Variants in INO80 observed in about 807,000 individuals in gnomAD.
The protein encoded by INO80 is chromatin-remodeling ATPase INO80.
Under a neutral mutation model 203.4 loss-of-function variants are expected in INO80, and 20 were observed. The ratio of observed to expected loss-of-function variants is 0.10; its 90% CI spans 0.07 to 0.14. The LOEUF is 0.14. Ranked by LOEUF, INO80 falls within the 10% of genes least tolerant of loss-of-function variation. The pLI is 1.00. For missense variants in INO80, 1,419 were observed against 1,914.4 expected (o/e 0.74, Z 4.83); for synonymous variants, 726 against 685.2 (o/e 1.06, Z -0.93).
rs1461127240 is a variant in INO80 at position 41,116,229 on chromosome 15, G to A, written c.-300C>T. ...CGGCGGCCACTTTCACTCACTGAGA[G>A]GAGCGGAGCAGGGACACGGGGAGCC... On this transcript the variant is annotated 5_prime_UTR_variant, in exon 1 of 36. Transcript: ENST00000648947. 7.4e-6 allele frequency: 3 copies of A among 403,696 alleles called. No homozygotes were observed. Among genetic ancestry groups the A allele is most frequent in the Non-Finnish European group, 8.7e-6 (2 of 230,594 alleles). The allele number at this position is 403,696 out of a possible 1,614,324, so 25.0% of individuals were successfully genotyped here.
At chr15:40,992,158 A>T (rs545115109) in intron 29 of INO80, among the ~76,000 whole-genome samples, 2 of 152,378 alleles carry the variant, frequency 1.3e-5, no homozygotes, top group East Asian at 3.9e-4. Context: ...CAAGAGAATA[A>T]GCGGAGGTTC....
chr15:40,982,634 ATT>A (rs1372070601), intron 35 of INO80, among the ~76,000 whole-genome samples: 10 of 152,364 alleles, frequency 6.6e-5, no homozygotes, highest in African/African-American at 2.4e-4. Context: ...ACAGTTCACA[ATT>A]CAGCTCTCCC....
chr15:41,115,206 G>A (rs919420700), intron 1 of INO80, among the ~76,000 whole-genome samples: 8 of 152,300 alleles, frequency 5.3e-5, no homozygotes, highest in Non-Finnish European at 7.3e-5. Flanking sequence ...GAGACAGTGT[G>A]TGAATCAAAG....
Position 40,987,083 on chromosome 15 carries a change from G to A in INO80, c.3832+8C>T, listed in dbSNP as rs1469812688. On this transcript the variant is annotated splice_region_variant and intron_variant, in intron 31 of 35. Coordinates refer to ENST00000648947, the MANE Select transcript of INO80 (RefSeq NM_017553.3). The stretch of plus-strand genomic sequence containing the variant: ...TGAGGGGAGTGTATAGAGGTTTAGA[G>A]TACATACGTTTCTTCTCCAACTCTT... 6.6e-7 allele frequency: 1 copy of A among 1,525,678 alleles called. No individual in the cohort carries two copies. Among genetic ancestry groups the A allele is most frequent in the East Asian group, 2.2e-5 (1 of 44,532 alleles). 94.5% of individuals were successfully genotyped at this position (1,525,678 alleles called of 1,614,324 possible). A position where few individuals can be genotyped will look rare whatever the true frequency, so the allele number is the denominator to read the frequency against.
chr15:41,027,919 T>C, intron 24 of INO80, 183 bp from the exon 25 acceptor site: 1 of 407,700 alleles, frequency 2.5e-6, no homozygotes, highest in Non-Finnish European at 4.4e-6. Context: ...CCATGTTAAT[T>C]TCAAAATGTG....
chr15:41,027,874 A>G, intron 24 of INO80, 138 bp from the exon 25 acceptor site: 1 of 576,914 alleles, frequency 1.7e-6, no homozygotes, highest in Non-Finnish European at 3.0e-6. Context: ...ATAAACAACC[A>G]CTAATTAGAA....
At chr15:41,079,510 C>T (rs1055252561) in intron 9 of INO80, among the ~76,000 whole-genome samples, 191 bp downstream of exon 9, 4 of 147,886 alleles carry the variant, frequency 2.7e-5, no homozygotes, top group South Asian at 2.1e-4. Flanking sequence ...TCAAGGCAGG[C>T]GGATCACTCG....
At chr15:40,998,778 C>G (rs371326254) in intron 28 of INO80, among the ~76,000 whole-genome samples, 2 of 152,084 alleles carry the variant, frequency 1.3e-5, no homozygotes, top group African/African-American at 2.4e-5. Flanking sequence ...CTCAGCCTCC[C>G]GAGTAGCTGG....
intron 33 of INO80, 56 bp from the exon 34 acceptor site, chr15:40,983,977 T>C (rs1231581386): frequency 1.9e-6 from 3 of 1,574,144 alleles, no homozygotes; most frequent in Non-Finnish European, 2.6e-6. Context: ...GCCCATGGCC[T>C]TGCACCCAGC....
At chr15:41,051,933 G>A (rs563759746) in intron 19 of INO80, among the ~76,000 whole-genome samples, 2 of 152,034 alleles carry the variant, frequency 1.3e-5, no homozygotes, top group East Asian at 1.9e-4. Context: ...ACTCCAGCCT[G>A]GTCGACAGAG....
At chr15:41,071,742 T>G in intron 12 of INO80, 107 bp downstream of exon 12, 49 of 1,015,640 alleles carry the variant, frequency 4.8e-5, no homozygotes, top group Non-Finnish European at 6.0e-5. Context: ...ATTGCAGGCA[T>G]GAGCCACCGC....
chr15:41,084,848 T>C (rs932418409), intron 7 of INO80, among the ~76,000 whole-genome samples: 1 of 152,192 alleles, frequency 6.6e-6, no homozygotes, highest in Admixed American at 6.5e-5. Context: ...CTATCTATCC[T>C]GCCTCAGCCA....
intron 24 of INO80, among the ~76,000 whole-genome samples, chr15:41,038,560 A>G (rs945576545): frequency 2.0e-5 from 3 of 152,176 alleles, no homozygotes; most frequent in African/African-American, 7.2e-5. Context: ...TTTAAACTTG[A>G]TATGGAACTT....
At chr15:41,029,639 T>G (rs748943142) in intron 24 of INO80, among the ~76,000 whole-genome samples, 1 of 152,240 alleles carries the variant, frequency 6.6e-6, no homozygotes, top group South Asian at 2.1e-4. Context: ...AACATCTGTG[T>G]TCCCATCTTG....
chr15:41,067,723 T>C (rs1451667825), intron 14 of INO80, among the ~76,000 whole-genome samples: 1 of 152,076 alleles, frequency 6.6e-6, no homozygotes, highest in Non-Finnish European at 1.5e-5. Context: ...TTCTACCCTA[T>C]CCCAAGCTCC....
intron 25 of INO80, among the ~76,000 whole-genome samples, chr15:41,025,649 A>T (rs1220969674): frequency 6.6e-6 from 1 of 152,192 alleles, no homozygotes; most frequent in African/African-American, 2.4e-5. Context: ...TGGGAGGCGA[A>T]GGCTGCATTC....
rs925730270 is a variant in INO80, at chr15:40,983,005, G to A, written c.4310C>T (p.Ser1437Leu). ...CCCTGCTCCTTTGGCTGTGCTTCCTGAACCTTTGGGGCGGCCTCGGCTTCG... is the reference window on the plus strand; with the variant it reads ...CCCTGCTCCTTTGGCTGTGCTTCCTAAACCTTTGGGGCGGCCTCGGCTTCG... ...SARSRGRPKG[S>L]GSTAKGAGKG... The change falls in exon 35 of 36, where the codon TCA becomes TTA. Residue 1437 changes from serine to leucine, a missense_variant. This residue lies in a region of INO80 where 214 missense variants were observed against 248.9 expected (regional missense o/e 0.86). Coordinates refer to ENST00000648947, the MANE Select transcript of INO80 (RefSeq NM_017553.3). 3 of 1,614,070 alleles carry A rather than the reference G, an allele frequency of 1.9e-6. No individual in the cohort carries two copies. Among genetic ancestry groups the A allele is most frequent in the Non-Finnish European group, 2.5e-6 (3 of 1,180,030 alleles).
intron 25 of INO80, among the ~76,000 whole-genome samples, chr15:41,024,931 G>C (rs1415744518): frequency 1.3e-5 from 2 of 152,196 alleles, no homozygotes; most frequent in African/African-American, 2.4e-5. Flanking sequence ...CCCTAGGACT[G>C]ATCTGAAAGG....
At chr15:40,986,580 T>C (rs553341020) in intron 31 of INO80, among the ~76,000 whole-genome samples, 12 of 152,164 alleles carry the variant, frequency 7.9e-5, no homozygotes, top group African/African-American at 2.9e-4. Context: ...TGCCTCGGCC[T>C]CCCAAAGTGC....
Sources: allele counts gnomAD v4.1 joint callset (sites outside exome capture counted in the v4.1 genomes callset), GRCh38; gene constraint gnomAD v4.1.1; regional missense constraint gnomAD v4.1.1; transcripts MANE v1.5; gene names NCBI Gene and HGNC (gene_info 2026-07-23, HGNC 2026-07-21).